The following KNL1 variants were observed in gnomAD, a reference collection of about 807,000 sequenced individuals.
The protein encoded by KNL1 is kinetochore scaffold 1, also known as outer kinetochore KNL1 complex subunit KNL1.
A neutral mutation model predicts 201.3 loss-of-function variants in KNL1; 66 were observed. The ratio of observed to expected loss-of-function variants is 0.33; its 90% CI spans 0.27 to 0.40. The LOEUF (loss-of-function observed/expected upper bound fraction) is 0.40, where lower values mean the gene tolerates loss of function less well. Ranked by LOEUF, KNL1 falls within the 10% of genes least tolerant of loss-of-function variation. The probability of loss-of-function intolerance (pLI) is 1.00; values close to 1 mark genes in which losing one functional copy is unlikely to be tolerated. For synonymous variants in KNL1, 895 were observed against 899.2 expected (o/e 1.00, Z 0.08); for missense variants, 2,815 against 2,690.5 (o/e 1.05, Z -1.02).
At chr15:40,634,100 GTTGT>G (rs376595445) in intron 13 of KNL1, among the ~76,000 whole-genome samples, 115 of 151,420 alleles carry the variant, frequency 7.6e-4, no homozygotes, top group Non-Finnish European at 1.2e-3. Context: ...TGTTGTTGTT[GTTGT>G]TTGTTTGTTT....
Position 40,605,150 on chromosome 15 carries a change from G to A in KNL1, c.75+1G>A. On this transcript the variant is annotated splice_donor_variant, in intron 3 of 25. Coordinates refer to ENST00000399668, the MANE Select transcript of KNL1 (RefSeq NM_144508.5). LOFTEE classifies it high-confidence loss of function. ...ACCTGTTAGAAGACGGCATTCTTCA[G>A]TAAGAAAGACTTTCTTGAATTAATA... The A allele has an allele frequency of 6.9e-7, 1 of 1,458,800 alleles. No homozygotes were observed. Among genetic ancestry groups the A allele is most frequent in the Non-Finnish European group, 9.6e-7 (1 of 1,039,366 alleles). The allele number at this position is 1,458,800 out of a possible 1,614,324, so 90.4% of individuals were successfully genotyped here.
At chr15:40,630,465 C>A (rs2141733433) in intron 13 of KNL1, among the ~76,000 whole-genome samples, 1 of 152,312 alleles carries the variant, frequency 6.6e-6, no homozygotes, top group East Asian at 1.9e-4. Context: ...GCATCCCCAA[C>A]CCCTGGGGTT....
intron 8 of KNL1, among the ~76,000 whole-genome samples, chr15:40,617,255 C>T (rs531635834): frequency 1.3e-5 from 2 of 152,318 alleles, no homozygotes; most frequent in East Asian, 1.9e-4. Context: ...CCCCTATATG[C>T]ATTTATAAAT....
intron 1 of KNL1, among the ~76,000 whole-genome samples, chr15:40,601,107 C>A (rs1288275519): frequency 6.6e-6 from 1 of 152,204 alleles, no homozygotes; most frequent in Non-Finnish European, 1.5e-5. Context: ...CAGTAGCAGC[C>A]CAGCATTAGC....
intron 8 of KNL1, among the ~76,000 whole-genome samples, chr15:40,616,873 C>T (rs191072501): frequency 2.9e-4 from 44 of 152,332 alleles, no homozygotes; most frequent in Admixed American, 2.6e-3. Flanking sequence ...GTATCCCATG[C>T]TCTAGCCCAT....
intron 13 of KNL1, among the ~76,000 whole-genome samples, chr15:40,632,210 A>ACCCCCCCCCCCCCCCCCC (rs34274284): frequency 7.6e-6 from 1 of 131,708 alleles, no homozygotes; most frequent in African/African-American, 2.9e-5. Context: ...ACATAGCGAG[A>ACCCCCCCCCCCCCCCCCC]CCCCCCCCCA....
At chr15:40,610,181 A>G (rs1186273805) in intron 5 of KNL1, 64 bp from the exon 6 acceptor site, 2 of 912,704 alleles carry the variant, frequency 2.2e-6, no homozygotes, top group African/African-American at 1.6e-5. Context: ...CAGACTATAA[A>G]TCAACACCAA....
chr15:40,641,025 A>G lies in KNL1; in HGVS notation c.5796A>G (p.Glu1932=). 6.3e-7 allele frequency: 1 copy of G among 1,585,084 alleles called. No individual in the cohort carries two copies. Among genetic ancestry groups the G allele is most frequent in the Non-Finnish European group, 8.6e-7 (1 of 1,156,430 alleles). The change falls in exon 14 of 26, where the codon GAA becomes GAG. Residue 1932 remains glutamate (E), a splice_region_variant and synonymous_variant. Coordinates refer to ENST00000399668, the MANE Select transcript of KNL1 (RefSeq NM_144508.5). The part of the protein sequence containing the change: ...EDCEARRQKI[E]ELKLSASNQD... ...GTGAGGCTCGTCGCCAAAAGATTGA[A>G]GAGTATGAAAGCTTTAATTTTTATG...
intron 22 of KNL1, among the ~76,000 whole-genome samples, chr15:40,655,772 C>T (rs1428519082): frequency 2.6e-5 from 4 of 151,040 alleles, no homozygotes; most frequent in Non-Finnish European, 5.9e-5. Flanking sequence ...AAAAATTAGC[C>T]GGGCGTGGTG....
In KNL1 at chr15:40,623,607, A is replaced by G. The variant is rs560796212; in HGVS notation, c.3343A>G (p.Lys1115Glu). The change falls in exon 10 of 26, where the codon AAA (lysine) becomes GAA (glutamate). Residue 1115 changes from lysine (K) to glutamate (E), a missense_variant. Transcript: ENST00000399668. ...GGACTTCCATTTGGCAGGGGCTTCT[A>G]AAACTATTTTGTATTCATGTGGGCA... is the stretch of plus-strand genomic sequence containing the variant. ...KEDFHLAGASKTILYSCGQDD... is the reference protein window; with the variant it reads ...KEDFHLAGASETILYSCGQDD... 6.8e-6 allele frequency: 11 copies of G among 1,613,510 alleles called. No homozygotes were observed. The highest frequency in any genetic ancestry group is 8.5e-6 in the Non-Finnish European group (10 of 1,179,808).
intron 13 of KNL1, among the ~76,000 whole-genome samples, chr15:40,632,363 C>CT (rs1892935953): frequency 6.6e-6 from 1 of 152,098 alleles, no homozygotes; most frequent in South Asian, 2.1e-4. Context: ...AATCCCAACA[C>CT]TTTGGGAGGC....
At position 40,645,760 on chromosome 15, in the gene KNL1, G is replaced by A. The variant is rs1478167193; in HGVS notation, c.5994G>A (p.Val1998=). Residue 1998 remains valine (V), a synonymous_variant, in exon 16 of 26, where the codon GTG becomes GTA. Coordinates refer to ENST00000399668, the MANE Select transcript of KNL1 (RefSeq NM_144508.5). ...QGKVALYGKL[V]QSAQNEREKL... is the part of the protein sequence containing the mutation. ...AAGTGGCTCTGTATGGCAAGCTGGTGCAGTCAGCTCAGGTAATTTGAGACA... is the reference window on the plus strand; with the variant it reads ...AAGTGGCTCTGTATGGCAAGCTGGTACAGTCAGCTCAGGTAATTTGAGACA... 5.7e-6 allele frequency: 9 copies of A among 1,582,588 alleles called. No individual in the cohort carries two copies. Among genetic ancestry groups the A allele is most frequent in the Non-Finnish European group, 7.8e-6 (9 of 1,157,464 alleles).
chr15:40,650,700 CAG>C (rs1361112508), intron 19 of KNL1, 117 bp downstream of exon 19: 1 of 862,586 alleles, frequency 1.2e-6, no homozygotes, highest in Non-Finnish European at 1.7e-6. Context: ...GAGGCTGACT[CAG>C]GGCTTCTCCA....
intron 25 of KNL1, among the ~76,000 whole-genome samples, chr15:40,659,894 A>ATGTGTGTGTG (rs776409302): frequency 0.13 from 19,200 of 146,662 alleles, 1,484 homozygotes; most frequent in Non-Finnish European, 0.17. Context: ...TGAAGAATTT[A>ATGTGTGTGTG]TGTGTGTGTG....
At chr15:40,619,241 A>G (rs1262802695) in intron 9 of KNL1, among the ~76,000 whole-genome samples, 1 of 151,946 alleles carries the variant, frequency 6.6e-6, no homozygotes, top group Non-Finnish European at 1.5e-5. Flanking sequence ...AGAGCACATG[A>G]GTCTTTATTT....
intron 13 of KNL1, among the ~76,000 whole-genome samples, chr15:40,631,118 A>AAAAAAT (rs1485936120): frequency 1.3e-5 from 2 of 151,918 alleles, no homozygotes; most frequent in Admixed American, 6.6e-5. Flanking sequence ...ACCCTGTCTC[A>AAAAAAT]AAAAATAAAA....
Position 40,623,713 on chromosome 15 carries a change from C to T in KNL1, c.3449C>T (p.Pro1150Leu). 3 of 1,613,746 alleles carry T rather than the reference C, an allele frequency of 1.9e-6. No homozygotes were observed. The highest frequency in any genetic ancestry group is 2.5e-6 in the Non-Finnish European group (3 of 1,179,838). Residue 1150 changes from proline (P) to leucine (L), a missense_variant, in exon 10 of 26, where the codon CCC (proline) becomes CTC (leucine). By Grantham distance (98) the Pro-to-Leu change is moderately conservative. Around this residue, in one of 3 missense-constraint regions of KNL1, gnomAD observed 2,464 missense variants for 2,291.7 expected, o/e 1.08. Coordinates refer to ENST00000399668, the MANE Select transcript of KNL1 (RefSeq NM_144508.5). ...TLLPNEIAIRPMDKTVLFTDN... is the reference protein window; with the variant it reads ...TLLPNEIAIRLMDKTVLFTDN... Reference sequence around the variant, plus strand: ...CTGCCAAATGAAATAGCTATTAGGCCCATGGACAAAACCGTATTGTTCACA... The same window carrying T: ...CTGCCAAATGAAATAGCTATTAGGCTCATGGACAAAACCGTATTGTTCACA...
chr15:40,607,411 A>G (rs930630999), intron 4 of KNL1, among the ~76,000 whole-genome samples: 1 of 152,212 alleles, frequency 6.6e-6, no homozygotes, highest in Non-Finnish European at 1.5e-5. Flanking sequence ...TACCTGTAGC[A>G]TCTTCTAGGG....
At chr15:40,649,291 T>G (rs910602862) in intron 17 of KNL1, among the ~76,000 whole-genome samples, 2 of 152,090 alleles carry the variant, frequency 1.3e-5, no homozygotes, top group African/African-American at 4.8e-5. Flanking sequence ...ATTGCTATTT[T>G]TATGCAGTTC....
Sources: gnomAD v4.1 joint callset for allele counts (sites outside exome capture counted in the v4.1 genomes callset) on GRCh38, gnomAD v4.1.1 for gene constraint, gnomAD v4.1.1 regional missense constraint, MANE v1.5 for transcripts, NCBI Gene and HGNC (gene_info 2026-07-23, HGNC 2026-07-21) for gene names.